Variants in CCSER1 observed in about 807,000 individuals in gnomAD.
CCSER1 encodes serine-rich coiled-coil domain-containing protein 1.
In CCSER1, 41 loss-of-function variants were observed where a neutral mutation model predicts 82.0. The observed-to-expected ratio is 0.50, with a 90% CI of 0.39 to 0.65. CCSER1 has a LOEUF of 0.65. Ranked by LOEUF, CCSER1 falls within the 30% of genes least tolerant of loss-of-function variation. The probability of loss-of-function intolerance (pLI) is 0.00; values close to 1 mark genes in which losing one functional copy is unlikely to be tolerated. For missense variants in CCSER1, 1,119 were observed against 1,064.2 expected, an observed-to-expected ratio of 1.05 and a Z score of -0.72; for synonymous variants, 414 against 383.9, an observed-to-expected ratio of 1.08 and a Z score of -0.92.
rs1285236127 is a variant in CCSER1, at chr4:90,476,464, G to A, written c.1724+8110G>A. On this transcript the variant is annotated intron_variant, in intron 5 of 10. Transcript: ENST00000509176. ...CCTTTCTGACTGCCAGGCCTTGGTG[G>A]AAAGGCAGCCGGCTAGATGTTTTGT... Among the ~76,000 whole-genome samples, 4 of 152,104 alleles carry A rather than the reference G, an allele frequency of 2.6e-5. No homozygotes were observed. The South Asian group carries it at 8.3e-4, about 32-fold the overall frequency.
At chr4:91,383,490 A>G (rs570874456) in intron 10 of CCSER1, among the ~76,000 whole-genome samples, 2 of 152,146 alleles carry the variant, frequency 1.3e-5, no homozygotes, top group African/African-American at 2.4e-5. Context: ...TTTTGAATTT[A>G]TGCTTCTTAA....
chr4:91,351,246 TACTC>T (rs1748450587), intron 10 of CCSER1, among the ~76,000 whole-genome samples: 1 of 152,066 alleles, frequency 6.6e-6, no homozygotes, highest in Non-Finnish European at 1.5e-5. Flanking sequence ...TGTTGCACAA[TACTC>T]AATTGTCTTT....
chr4:90,964,927 C>T (rs1734413352), intron 9 of CCSER1, among the ~76,000 whole-genome samples: 2 of 151,914 alleles, frequency 1.3e-5, no homozygotes, highest in Non-Finnish European at 2.9e-5. Context: ...GTGCAGTTGC[C>T]TTGCTATCCG....
intron 3 of CCSER1, among the ~76,000 whole-genome samples, chr4:90,398,418 C>T (rs886142456): frequency 6.6e-6 from 1 of 152,296 alleles, no homozygotes; most frequent in East Asian, 1.9e-4. Context: ...TATCCTTTCA[C>T]TATAAAATGT....
intron 10 of CCSER1, among the ~76,000 whole-genome samples, chr4:91,402,070 C>T (rs184742347): frequency 0.092 from 13,983 of 152,134 alleles, 905 homozygotes; most frequent in Middle Eastern, 0.18. Context: ...TGTTTCCTGA[C>T]TTTTTAATGA....
At chr4:90,355,317 A>G (rs3775484) in intron 3 of CCSER1, among the ~76,000 whole-genome samples, 42,580 of 151,848 alleles carry the variant, frequency 0.28, 6,584 homozygotes, top group African/African-American at 0.41. Context: ...AGAGAAAAGA[A>G]AGAAAAAGAA....
intron 1 of CCSER1, among the ~76,000 whole-genome samples, chr4:90,153,509 C>CA (rs1727327511): frequency 6.6e-6 from 1 of 151,902 alleles, no homozygotes; most frequent in South Asian, 2.1e-4. Flanking sequence ...CCAACAGTGT[C>CA]AAAGTGTTCC....
intron 1 of CCSER1, among the ~76,000 whole-genome samples, chr4:90,204,900 G>A (rs1321706427): frequency 1.3e-5 from 2 of 152,058 alleles, no homozygotes; most frequent in Admixed American, 6.6e-5. Context: ...TCTTTAAGAG[G>A]TCCTTTACAT....
At chr4:90,168,069 G>C (rs1730869951) in intron 1 of CCSER1, among the ~76,000 whole-genome samples, 1 of 152,102 alleles carries the variant, frequency 6.6e-6, no homozygotes, top group Non-Finnish European at 1.5e-5. Flanking sequence ...CACAATGGTT[G>C]AACTAGTTTA....
At chr4:91,503,763 A>G (rs1447992699) in intron 10 of CCSER1, among the ~76,000 whole-genome samples, 2 of 152,194 alleles carry the variant, frequency 1.3e-5, no homozygotes. Context: ...GAACTTGAGA[A>G]TAATTATATC....
intron 8 of CCSER1, among the ~76,000 whole-genome samples, chr4:90,846,901 C>A (rs1026740003): frequency 6.6e-6 from 1 of 152,302 alleles, no homozygotes; most frequent in East Asian, 1.9e-4. Context: ...CCTGCCTTGG[C>A]CTCCCAAAGT....
At chr4:91,061,755 A>G (rs955603388) in intron 9 of CCSER1, among the ~76,000 whole-genome samples, 2 of 151,988 alleles carry the variant, frequency 1.3e-5, no homozygotes, top group African/African-American at 4.8e-5. Context: ...AGTTGTGTGC[A>G]GTTAATTTAT....
intron 10 of CCSER1, among the ~76,000 whole-genome samples, chr4:91,400,407 TA>T (rs1309594145): frequency 6.6e-6 from 1 of 151,416 alleles, no homozygotes; most frequent in Non-Finnish European, 1.5e-5. Context: ...TTCAAAAAGT[TA>T]AATAAAATTA....
intron 1 of CCSER1, among the ~76,000 whole-genome samples, chr4:90,243,081 T>TTA (rs1553968410): frequency 6.2e-4 from 89 of 143,434 alleles, no homozygotes; most frequent in African/African-American, 1.6e-3. Context: ...TTTTTTTTTT[T>TTA]AAAATAGGAT....
intron 8 of CCSER1, among the ~76,000 whole-genome samples, chr4:90,843,684 C>T (rs2149887271): frequency 6.6e-6 from 1 of 152,228 alleles, no homozygotes; most frequent in South Asian, 2.1e-4. Flanking sequence ...TTTCCGTATG[C>T]CTTGTTATTG....
chr4:91,361,264 T>C (rs2149312547), intron 10 of CCSER1, among the ~76,000 whole-genome samples: 1 of 152,028 alleles, frequency 6.6e-6, no homozygotes, highest in East Asian at 1.9e-4. Context: ...TGGTTCCTTT[T>C]ATGGTCCAGC....
At chr4:91,238,905 C>A (rs932228311) in intron 10 of CCSER1, among the ~76,000 whole-genome samples, 2 of 151,732 alleles carry the variant, frequency 1.3e-5, no homozygotes, top group East Asian at 1.9e-4. Flanking sequence ...CTCACCGCAA[C>A]CTCTGCCTCC....
intron 5 of CCSER1, among the ~76,000 whole-genome samples, chr4:90,606,679 G>T (rs550254344): frequency 1.6e-4 from 24 of 152,158 alleles, no homozygotes; most frequent in African/African-American, 5.8e-4. Flanking sequence ...TCTATGGCAT[G>T]GATATGCAGG....
intron 10 of CCSER1, among the ~76,000 whole-genome samples, chr4:91,368,233 C>G (rs1465863224): frequency 6.6e-6 from 1 of 152,040 alleles, no homozygotes; most frequent in Non-Finnish European, 1.5e-5. Flanking sequence ...ACACTGAAGT[C>G]TGTTCTTGTT....
Sources: gnomAD v4.1 joint callset for allele counts (sites outside exome capture counted in the v4.1 genomes callset) on GRCh38, gnomAD v4.1.1 for gene constraint, MANE v1.5 for transcripts, NCBI Gene and HGNC (gene_info 2026-07-23, HGNC 2026-07-21) for gene names.